SNX29: variants seen among roughly 807,000 people sequenced by gnomAD.
SNX29 encodes the protein sorting nexin-29.
SNX29 carries 78 observed loss-of-function variants against 102.1 expected under a neutral mutation model. The ratio of observed to expected loss-of-function variants is 0.76; its 90% CI spans 0.64 to 0.92. SNX29 has a LOEUF of 0.92. Ranked by LOEUF, SNX29 falls within the 40% of genes least tolerant of loss-of-function variation. The pLI, the probability that SNX29 is intolerant of heterozygous loss-of-function variation, is 0.00. For missense variants in SNX29, 1,280 were observed against 1,061.7 expected (o/e 1.21, Z -2.86); for synonymous variants, 580 against 414.5 (o/e 1.40, Z -4.85).
chr16:12,016,087 A>C (rs941940261), intron 3 of SNX29, among the ~76,000 whole-genome samples: 17 of 148,400 alleles, frequency 1.1e-4, no homozygotes, highest in African/African-American at 4.2e-4. Flanking sequence ...CTGGTCTCAA[A>C]TTCCTGACCT....
At chr16:12,300,872 C>T (rs564455092) in intron 15 of SNX29, among the ~76,000 whole-genome samples, 2 of 152,278 alleles carry the variant, frequency 1.3e-5, no homozygotes, top group Non-Finnish European at 2.9e-5. Context: ...TGACATCTCC[C>T]TATCCCAGTT....
At chr16:12,126,591 C>G in intron 11 of SNX29, 42 bp from the exon 12 acceptor site, 1 of 1,605,418 alleles carries the variant, frequency 6.2e-7, no homozygotes, top group South Asian at 1.1e-5. Context: ...CTGTAACAGG[C>G]AAGACCTGCC....
chr16:12,389,549 C>A (rs2083451381), intron 16 of SNX29, among the ~76,000 whole-genome samples: 1 of 152,050 alleles, frequency 6.6e-6, no homozygotes, highest in South Asian at 2.1e-4. Context: ...AACTGTGAGT[C>A]CATTAAACCT....
chr16:12,511,281 G>C (rs543170346), intron 19 of SNX29, among the ~76,000 whole-genome samples: 1 of 152,308 alleles, frequency 6.6e-6, no homozygotes, highest in South Asian at 2.1e-4. Flanking sequence ...CTGAGCTCAG[G>C]TGTGGAACTC....
rs1187530505 is a variant in SNX29 at position 12,027,417 on chromosome 16, G to T, written c.220G>T (p.Ala74Ser). 1 of 1,614,108 alleles carries T rather than the reference G, an allele frequency of 6.2e-7. No individual in the cohort carries two copies. Among genetic ancestry groups the T allele is most frequent in the South Asian group, 1.1e-5 (1 of 91,078 alleles). Reference sequence around the variant, plus strand: ...CACAGCGGCAGCGATCAAGCAGGCAGCGGGCTTTGCCAGCAAAACCGAAAC... The same window carrying T: ...CACAGCGGCAGCGATCAAGCAGGCATCGGGCTTTGCCAGCAAAACCGAAAC... The part of the protein sequence containing the change: ...ALTAAAIKQA[A>S]GFASKTETEP... The change falls in exon 4 of 21, where the codon GCG becomes TCG. Residue 74 changes from alanine (A) to serine (S), a missense_variant. Transcript: ENST00000566228.
chr16:12,565,570 G>A lies in SNX29; in HGVS notation c.2319-2936G>A, dbSNP rs72775235. On this transcript the variant is annotated intron_variant, in intron 20 of 20. Transcript: ENST00000566228. The stretch of plus-strand genomic sequence containing the variant: ...CATCCCTGTGTCACAGAAGCCTACT[G>A]TCACACCCTCAACCACAGCAGCCTA... Among the ~76,000 whole-genome samples the A allele has an allele frequency of 5.6e-3, 852 of 152,172 alleles. 4 individuals carry two copies. The highest frequency in any genetic ancestry group is 9.1e-3 in the Non-Finnish European group (619 of 67,988).
intron 14 of SNX29, among the ~76,000 whole-genome samples, chr16:12,231,724 C>G (rs1433253376): frequency 6.6e-6 from 1 of 152,086 alleles, no homozygotes; most frequent in Admixed American, 6.6e-5. Context: ...ATATTGCTCC[C>G]CAGGATTGTG....
chr16:12,090,625 T>G (rs2052479810), intron 11 of SNX29, among the ~76,000 whole-genome samples: 2 of 152,202 alleles, frequency 1.3e-5, no homozygotes, highest in Non-Finnish European at 2.9e-5. Flanking sequence ...CCATCCTGGT[T>G]TCTCTCCAGA....
intron 20 of SNX29, among the ~76,000 whole-genome samples, chr16:12,550,402 G>A (rs368791267): frequency 1.3e-5 from 2 of 152,070 alleles, no homozygotes; most frequent in Admixed American, 6.6e-5. Context: ...AGGCATGGTG[G>A]TGCACGCCTG....
At chr16:12,000,034 C>G (rs1484120113) in intron 2 of SNX29, among the ~76,000 whole-genome samples, 1 of 151,438 alleles carries the variant, frequency 6.6e-6, no homozygotes, top group Non-Finnish European at 1.5e-5. Context: ...CACAAGAAGG[C>G]TAGGACAAGG....
chr16:12,262,325 C>T lies in SNX29; in HGVS notation c.1679-15608C>T, dbSNP rs558551284. 5.4e-3 allele frequency among the ~76,000 whole-genome samples: 824 copies of T among 152,308 alleles called. 7 individuals are homozygous for T. Among genetic ancestry groups the T allele is most frequent in the Non-Finnish European group, 7.5e-3 (512 of 68,028 alleles). ...AGGAAGTGAGGTGACTGTTCAGGGT[C>T]ACAGAACACTCCCTGGGAATTTGTC... On this transcript the variant is annotated intron_variant, in intron 14 of 20. Transcript: ENST00000566228.
intron 15 of SNX29, among the ~76,000 whole-genome samples, chr16:12,348,747 C>T (rs969683138): frequency 6.6e-6 from 1 of 152,190 alleles, no homozygotes; most frequent in Non-Finnish European, 1.5e-5. Context: ...AATCCCAGTT[C>T]TGCTGCTTAC....
chr16:12,063,698 T>G (rs2050890469), intron 9 of SNX29, among the ~76,000 whole-genome samples: 1 of 151,722 alleles, frequency 6.6e-6, no homozygotes. Flanking sequence ...CCGTCTTTGC[T>G]CCCTGTTCAT....
intron 1 of SNX29, among the ~76,000 whole-genome samples, chr16:11,982,805 TG>T (rs1170711735): frequency 1.3e-5 from 2 of 152,156 alleles, no homozygotes; most frequent in African/African-American, 4.8e-5. Flanking sequence ...AAACAATTTG[TG>T]TAACAGATGA....
At chr16:12,336,043 T>A (rs1202293481) in intron 15 of SNX29, among the ~76,000 whole-genome samples, 1 of 152,168 alleles carries the variant, frequency 6.6e-6, no homozygotes, top group Non-Finnish European at 1.5e-5. Flanking sequence ...TTGATATCTT[T>A]ATGAAACCCT....
At chr16:12,256,193 A>G (rs1210108316) in intron 14 of SNX29, among the ~76,000 whole-genome samples, 9 of 152,166 alleles carry the variant, frequency 5.9e-5, no homozygotes, top group Non-Finnish European at 1.3e-4. Context: ...GTCTATTTGC[A>G]TCCTGTGTCC....
intron 4 of SNX29, among the ~76,000 whole-genome samples, chr16:12,037,221 AC>A (rs1307627277): frequency 2.6e-5 from 4 of 152,138 alleles, no homozygotes; most frequent in African/African-American, 9.7e-5. Context: ...TCAGCCACAG[AC>A]CATATGGGAG....
intron 18 of SNX29, among the ~76,000 whole-genome samples, chr16:12,424,097 A>C (rs932665878): frequency 7.2e-5 from 11 of 152,232 alleles, no homozygotes; most frequent in African/African-American, 2.7e-4. Context: ...CAGAGGCGTG[A>C]TCAGAAAGAT....
intron 18 of SNX29, among the ~76,000 whole-genome samples, chr16:12,404,862 C>T (rs1345535370): frequency 1.3e-5 from 2 of 152,166 alleles, no homozygotes; most frequent in Non-Finnish European, 2.9e-5. Context: ...GACCGCTGTG[C>T]TTGGTCTCAG....
Sources: gnomAD v4.1 joint callset for allele counts (sites outside exome capture counted in the v4.1 genomes callset) on GRCh38, gnomAD v4.1.1 for gene constraint, MANE v1.5 for transcripts, NCBI Gene and HGNC (gene_info 2026-07-23, HGNC 2026-07-21) for gene names.